The following QPRT variants were observed in gnomAD, a reference collection of about 807,000 sequenced individuals.
The protein encoded by QPRT is nicotinate-nucleotide pyrophosphorylase [carboxylating].
QPRT carries 17 observed loss-of-function variants against 19.8 expected under a neutral mutation model. That is an observed-to-expected ratio of 0.86 (90% CI 0.59 to 1.29). The LOEUF is 1.29. Ranked by LOEUF, QPRT falls within the 50% of genes most tolerant of loss-of-function variation. The probability of loss-of-function intolerance (pLI) is 0.00; values close to 1 mark genes in which losing one functional copy is unlikely to be tolerated. For missense variants in QPRT, 336 were observed against 405.1 expected (o/e 0.83, Z 1.46); for synonymous variants, 178 against 191.0 (o/e 0.93, Z 0.56).
At position 29,695,068 on chromosome 16, in the gene QPRT, A is replaced by AC; in HGVS notation, c.420dup (p.Thr141HisfsTer33). On this transcript the variant is annotated frameshift_variant, in exon 2 of 4. Coordinates refer to ENST00000395384, the MANE Select transcript of QPRT (RefSeq NM_014298.6). LOFTEE classifies it high-confidence loss of function. ...TGGGCACGTGGCAGGCACGAGGAAGACCACGCCAGGCTTCCGGCTGGTGGA... is the reference window on the plus strand; with the variant it reads ...TGGGCACGTGGCAGGCACGAGGAAGACCCACGCCAGGCTTCCGGCTGGTGGA... 1 of 1,606,476 alleles carries AC rather than the reference A, an allele frequency of 6.2e-7. No homozygotes were observed. The highest frequency in any genetic ancestry group is 2.2e-5 in the East Asian group (1 of 44,782).
In QPRT at chr16:29,697,005, G is replaced by A. The variant is rs1173577552; in HGVS notation, c.559G>A (p.Ala187Thr). The A allele has an allele frequency of 1.2e-6, 2 of 1,605,192 alleles. No homozygotes were observed. The highest frequency in any genetic ancestry group is 1.7e-5 in the Admixed American group (1 of 59,562). ...CCCGGCTGCCCAGCAGGCGGTGCGG[G>A]CGGCCAGACAGGCGGCTGACTTCAC... ...AAGGVEKAVRAARQAADFTLK... is the reference protein window; with the variant it reads ...AAGGVEKAVRTARQAADFTLK... Residue 187 changes from alanine to threonine, a missense_variant, in exon 3 of 4, where the codon GCG (alanine) becomes ACG (threonine). Coordinates refer to ENST00000395384, the MANE Select transcript of QPRT (RefSeq NM_014298.6). This position sits in a 1 kb window ranked among gnomAD's most constrained non-coding sequence, Gnocchi z 4.4.
intron 1 of QPRT, among the ~76,000 whole-genome samples, chr16:29,692,751 A>T (rs1183043018): frequency 2.0e-5 from 3 of 151,640 alleles, no homozygotes; most frequent in Admixed American, 1.3e-4. Flanking sequence ...ACTCCGTCTC[A>T]AAAAAACAAA....
chr16:29,687,714 C>T (rs1967202841), intron 1 of QPRT, among the ~76,000 whole-genome samples: 1 of 151,670 alleles, frequency 6.6e-6, no homozygotes, highest in East Asian at 1.9e-4. Context: ...CTCGGGGGTC[C>T]ATCCCTTTTC....
intron 1 of QPRT, among the ~76,000 whole-genome samples, chr16:29,691,453 G>C (rs148994692): frequency 1.3e-3 from 191 of 151,500 alleles, no homozygotes; most frequent in Non-Finnish European, 1.2e-3. Flanking sequence ...GCTGAGGTGC[G>C]AGGATTGCTT....
At position 29,694,845 on chromosome 16, in the gene QPRT, C is replaced by T. The variant is rs774558925; in HGVS notation, c.195C>T (p.Thr65=). The T allele has an allele frequency of 7.4e-6, 12 of 1,613,992 alleles. No homozygotes were observed. In the East Asian group the frequency reaches 2.5e-4, roughly 33 times the overall value. Residue 65 remains threonine, a synonymous_variant, in exon 2 of 4, where the codon ACC becomes ACT. Transcript: ENST00000395384. ...AGCCTTTCTTCGATGCCATATTTAC[C>T]CAACTCAACTGCCAAGTCTCCTGGT... ...AGQPFFDAIF[T]QLNCQVSWFL...
In QPRT at chr16:29,687,540, G is replaced by A. The variant is rs377129689; in HGVS notation, c.14-7124G>A. The stretch of plus-strand genomic sequence containing the variant: ...TGGGTTCCTAATCTGTGACAGGGAT[G>A]ACAATAATGACCTCCTCGTGCTGTT... On this transcript the variant is annotated intron_variant, in intron 1 of 3. Transcript: ENST00000395384. Among the ~76,000 whole-genome samples, 16 of 152,218 alleles carry A rather than the reference G, an allele frequency of 1.1e-4. No homozygotes were observed. In the East Asian group the frequency reaches 1.9e-3, roughly 18 times the overall value.
intron 1 of QPRT, 60 bp downstream of exon 1, chr16:29,679,270 C>T (rs1966920478): frequency 2.2e-6 from 3 of 1,361,466 alleles, no homozygotes; most frequent in East Asian, 2.4e-5. Context: ...CTACCCCTGC[C>T]CCCACCCTGG....
In QPRT at chr16:29,697,803, T is replaced by A. The variant is rs1967595462; in HGVS notation, c.*392T>A. The A allele has an allele frequency of 6.0e-6, 1 of 166,040 alleles. No individual in the cohort carries two copies. The highest frequency in any genetic ancestry group is 2.4e-5 in the African/African-American group (1 of 41,760). The allele number at this position is 166,040 out of a possible 1,614,324, so 10.3% of individuals were successfully genotyped here. A position where few individuals can be genotyped will look rare whatever the true frequency, so the allele number is the denominator to read the frequency against. On this transcript the variant is annotated 3_prime_UTR_variant, in exon 4 of 4. Coordinates refer to ENST00000395384, the MANE Select transcript of QPRT (RefSeq NM_014298.6). This position sits in a 1 kb window ranked among gnomAD's most constrained non-coding sequence, Gnocchi z 4.4. Reference sequence around the variant, plus strand: ...GAGTTTGAGACCAGCCTGGCCAACATGGTGAAACCCCATCTCTACCAAAAA... The same window carrying A: ...GAGTTTGAGACCAGCCTGGCCAACAAGGTGAAACCCCATCTCTACCAAAAA...
chr16:29,689,562 T>G (rs1967264352), intron 1 of QPRT, among the ~76,000 whole-genome samples: 1 of 152,048 alleles, frequency 6.6e-6, no homozygotes, highest in Non-Finnish European at 1.5e-5. Flanking sequence ...TCATATTGTT[T>G]CATACTCAGA....
intron 1 of QPRT, among the ~76,000 whole-genome samples, chr16:29,693,485 C>A (rs1000714358): frequency 2.6e-5 from 4 of 152,104 alleles, no homozygotes; most frequent in Non-Finnish European, 5.9e-5. Context: ...TCTTGAACTC[C>A]TGACCTCAGG....
chr16:29,696,678 G>C (rs1450984570), intron 2 of QPRT: 2 of 233,800 alleles, frequency 8.6e-6, no homozygotes, highest in East Asian at 2.1e-4. Flanking sequence ...CTACTCGGGA[G>C]ACTGAGGTGG....
intron 1 of QPRT, among the ~76,000 whole-genome samples, chr16:29,687,894 A>C (rs987744503): frequency 6.6e-6 from 1 of 151,760 alleles, no homozygotes; most frequent in African/African-American, 2.4e-5. Context: ...AGGTGAGAGG[A>C]CCACATGAGC....
intron 1 of QPRT, among the ~76,000 whole-genome samples, chr16:29,683,476 C>T (rs983086775): frequency 6.6e-6 from 1 of 152,102 alleles, no homozygotes; most frequent in Non-Finnish European, 1.5e-5. Context: ...CCACTTCAGC[C>T]TTCTGAATAG....
intron 1 of QPRT, among the ~76,000 whole-genome samples, chr16:29,683,649 G>A (rs942370463): frequency 1.3e-5 from 2 of 152,118 alleles, no homozygotes; most frequent in Non-Finnish European, 2.9e-5. Context: ...ATGAGCCACC[G>A]CCCCTGGCCG....
chr16:29,688,634 C>G (rs528347830), intron 1 of QPRT, among the ~76,000 whole-genome samples: 2 of 152,226 alleles, frequency 1.3e-5, no homozygotes, highest in South Asian at 4.1e-4. Context: ...ATTCTCGTGC[C>G]TCAGCCTCCC....
intron 2 of QPRT, chr16:29,696,765 G>A (rs1967548084): frequency 1.6e-5 from 8 of 491,064 alleles, no homozygotes; most frequent in Admixed American, 1.5e-4. Context: ...TGGGCGACAG[G>A]TTGAGACCCT....
intron 1 of QPRT, among the ~76,000 whole-genome samples, chr16:29,693,177 T>C (rs1967403459): frequency 6.6e-6 from 1 of 152,240 alleles, no homozygotes; most frequent in Non-Finnish European, 1.5e-5. Flanking sequence ...TGTACAGTTA[T>C]TATTGACTGT....
chr16:29,682,886 T>G (rs1015241501), intron 1 of QPRT, among the ~76,000 whole-genome samples: 5 of 152,162 alleles, frequency 3.3e-5, no homozygotes, highest in Admixed American at 2.6e-4. Flanking sequence ...GGTTAGTATG[T>G]TTTAAGAGTC....
In QPRT at chr16:29,694,939, C is replaced by T; in HGVS notation, c.289C>T (p.Leu97=). ...VAEVRGPAHC[L]LLGERVALNT... ...CGAGGTCCGGGGCCCTGCCCACTGC[C>T]TGCTGCTGGGGGAACGGGTGGCCCT... Residue 97 remains leucine (L), a synonymous_variant, in exon 2 of 4, where the codon CTG becomes TTG. Coordinates refer to ENST00000395384, the MANE Select transcript of QPRT (RefSeq NM_014298.6). 1.9e-6 allele frequency: 3 copies of T among 1,612,702 alleles called. No individual in the cohort carries two copies. The highest frequency in any genetic ancestry group is 2.5e-6 in the Non-Finnish European group (3 of 1,179,764).
Sources: allele counts gnomAD v4.1 joint callset (sites outside exome capture counted in the v4.1 genomes callset), GRCh38; gene constraint gnomAD v4.1.1; non-coding constraint Gnocchi (gnomAD v3.1); transcripts MANE v1.5; gene names NCBI Gene and HGNC (gene_info 2026-07-23, HGNC 2026-07-21).